Variants in MTUS2 observed in about 807,000 individuals in gnomAD.
MTUS2 encodes the protein microtubule associated scaffold protein 2.
MTUS2 carries 40 observed loss-of-function variants against 114.1 expected under a neutral mutation model. The observed-to-expected ratio is 0.35, with a 90% CI of 0.27 to 0.46. MTUS2 has a LOEUF of 0.46. Ranked by LOEUF, MTUS2 falls within the 20% of genes least tolerant of loss-of-function variation. The pLI, the probability that MTUS2 is intolerant of heterozygous loss-of-function variation, is 1.00. For synonymous variants in MTUS2, 688 were observed against 672.0 expected (o/e 1.02, Z -0.37); for missense variants, 1,679 against 1,705.4 (o/e 0.98, Z 0.27).
At chr13:29,365,529 TA>T (rs1870639668) in intron 8 of MTUS2, among the ~76,000 whole-genome samples, 2 of 151,764 alleles carry the variant, frequency 1.3e-5, no homozygotes, top group Non-Finnish European at 2.9e-5. Context: ...TGTGTGTGTG[TA>T]ATTAAATGTC....
intron 5 of MTUS2, among the ~76,000 whole-genome samples, chr13:29,216,399 G>A (rs1325446471): frequency 6.6e-6 from 1 of 152,160 alleles, no homozygotes; most frequent in Admixed American, 6.5e-5. Context: ...TGTCTTGCTG[G>A]GGTTCCAGGT....
intron 2 of MTUS2, among the ~76,000 whole-genome samples, chr13:29,018,759 C>T (rs1459189564): frequency 6.7e-6 from 1 of 150,250 alleles, no homozygotes; most frequent in Non-Finnish European, 1.5e-5. Flanking sequence ...GATTCGGTCT[C>T]CAGCCCCTCC....
intron 2 of MTUS2, among the ~76,000 whole-genome samples, chr13:28,923,644 C>G (rs1881170270): frequency 6.6e-6 from 1 of 152,168 alleles, no homozygotes; most frequent in Admixed American, 6.5e-5. Context: ...GTGAGGCTTT[C>G]TGTGTCCAGC....
chr13:28,833,500 T>C (rs1874851887), intron 1 of MTUS2, among the ~76,000 whole-genome samples: 1 of 151,856 alleles, frequency 6.6e-6, no homozygotes, highest in African/African-American at 2.4e-5. Flanking sequence ...AAAAAACCAC[T>C]TGACAAATTC....
intron 7 of MTUS2, among the ~76,000 whole-genome samples, chr13:29,340,824 C>T (rs1360751157): frequency 6.6e-6 from 1 of 152,176 alleles, no homozygotes; most frequent in African/African-American, 2.4e-5. Context: ...CCCAAGTCCC[C>T]AAAGTGCATT....
chr13:29,325,503 G>A lies in MTUS2; in HGVS notation c.2905+792G>A, dbSNP rs1399835718. 8.3e-3 allele frequency among the ~76,000 whole-genome samples: 1,130 copies of A among 135,528 alleles called. 17 individuals carry two copies. The highest frequency in any genetic ancestry group is 0.035 in the African/African-American group (1,086 of 31,238). The allele number at this position is 135,528 out of a possible 152,430, so 88.9% of individuals were successfully genotyped here. On this transcript the variant is annotated intron_variant, in intron 7 of 15. Transcript: ENST00000612955. ...AGAAGAGGAAGAGGGAGGAGGAGGAGGAGGAGAAGGAGGAGGAGGAGGGAG... is the reference window on the plus strand; with the variant it reads ...AGAAGAGGAAGAGGGAGGAGGAGGAAGAGGAGAAGGAGGAGGAGGAGGGAG...
chr13:28,955,214 G>A (rs1356685465), intron 2 of MTUS2, among the ~76,000 whole-genome samples: 1 of 152,168 alleles, frequency 6.6e-6, no homozygotes, highest in Non-Finnish European at 1.5e-5. Context: ...ATACCAGCCT[G>A]ACATTGCACG....
intron 8 of MTUS2, among the ~76,000 whole-genome samples, chr13:29,417,976 G>A (rs1340703342): frequency 1.3e-5 from 2 of 152,148 alleles, no homozygotes; most frequent in African/African-American, 2.4e-5. Flanking sequence ...AGTGGAGTTG[G>A]GGGGTAACTG....
intron 9 of MTUS2, among the ~76,000 whole-genome samples, chr13:29,468,729 A>G (rs1880065153): frequency 6.6e-6 from 1 of 152,178 alleles, no homozygotes; most frequent in South Asian, 2.1e-4. Flanking sequence ...TCAGGGGGAA[A>G]ATGCCTGCTT....
At chr13:28,930,241 T>C (rs941489949) in intron 2 of MTUS2, among the ~76,000 whole-genome samples, 14 of 152,264 alleles carry the variant, frequency 9.2e-5, no homozygotes, top group Non-Finnish European at 1.8e-4. Context: ...AATGATGTTA[T>C]GTTTTCGCCA....
chr13:29,390,983 A>G (rs1245232776), intron 8 of MTUS2, among the ~76,000 whole-genome samples: 2 of 152,070 alleles, frequency 1.3e-5, no homozygotes, highest in Non-Finnish European at 2.9e-5. Context: ...GGGTTTCACC[A>G]TATTGGTCGG....
intron 8 of MTUS2, among the ~76,000 whole-genome samples, chr13:29,425,667 T>A (rs1450691228): frequency 6.6e-6 from 1 of 152,190 alleles, no homozygotes; most frequent in Admixed American, 6.5e-5. Flanking sequence ...ATGTTTGAAA[T>A]TTTTATAACA....
intron 8 of MTUS2, among the ~76,000 whole-genome samples, chr13:29,367,052 G>A (rs1022228353): frequency 2.6e-5 from 4 of 152,056 alleles, no homozygotes; most frequent in Admixed American, 6.6e-5. Flanking sequence ...TGGTCCATCC[G>A]CTTGGTAAAT....
At position 29,492,729 on chromosome 13, in the gene MTUS2, T is replaced by A; in HGVS notation, c.3579+10T>A. ...GCGGCTGTCATTGCAGGTTAGTATT[T>A]CTTTAATTTTCTTACCTGGTATCGA... On this transcript the variant is annotated intron_variant, in intron 12 of 15. Coordinates refer to ENST00000612955, the MANE Select transcript of MTUS2 (RefSeq NM_001033602.4). 2 of 1,599,084 alleles carry A rather than the reference T, an allele frequency of 1.3e-6. No homozygotes were observed. Among genetic ancestry groups the A allele is most frequent in the East Asian group, 2.2e-5 (1 of 44,810 alleles).
intron 5 of MTUS2, among the ~76,000 whole-genome samples, chr13:29,106,775 G>A (rs2138847397): frequency 6.6e-6 from 1 of 152,184 alleles, no homozygotes. Context: ...AACTGTGGCA[G>A]TGCTTTCTAA....
At chr13:29,128,750 A>AT (rs1891626702) in intron 5 of MTUS2, among the ~76,000 whole-genome samples, 1 of 152,186 alleles carries the variant, frequency 6.6e-6, no homozygotes, top group Non-Finnish European at 1.5e-5. Context: ...TAATTCAAAC[A>AT]TAAAAAAAAT....
intron 8 of MTUS2, among the ~76,000 whole-genome samples, chr13:29,438,936 A>G: frequency 6.6e-6 from 1 of 152,158 alleles, no homozygotes; most frequent in Non-Finnish European, 1.5e-5. Flanking sequence ...CACCAGAAAC[A>G]ATATTGTGAG....
chr13:29,281,800 C>T lies in MTUS2; in HGVS notation c.2741C>T (p.Ser914Phe), dbSNP rs1211818119. 2 of 1,612,294 alleles carry T rather than the reference C, an allele frequency of 1.2e-6. No homozygotes were observed. The highest frequency in any genetic ancestry group is 1.7e-6 in the Non-Finnish European group (2 of 1,178,542). The stretch of plus-strand genomic sequence containing the variant: ...GCCGGCCGGGTGGCCCCTCCAGCAT[C>T]CTCCAGTGTGACAGCACCCCGCAGG... ...KGAGRVAPPA[S>F]SSVTAPRRSL... The change falls in exon 6 of 16, where the codon TCC becomes TTC. Residue 914 changes from serine (S) to phenylalanine (F), a missense_variant. Ser to Phe is a radical substitution (Grantham distance 155, BLOSUM62 -2). Around this residue, in one of 3 missense-constraint regions of MTUS2, gnomAD observed 822 missense variants for 899.7 expected, o/e 0.91. Transcript: ENST00000612955.
chr13:29,142,430 G>A lies in MTUS2; in HGVS notation c.2644+41460G>A, dbSNP rs150774418. 4.5e-4 allele frequency among the ~76,000 whole-genome samples: 68 copies of A among 152,272 alleles called. No homozygotes were observed. In the East Asian group the frequency reaches 8.9e-3, roughly 20 times the overall value. On this transcript the variant is annotated intron_variant, in intron 5 of 15. Transcript: ENST00000612955. ...ATTAAAGAAGTTCATGAGACTGGGCGTGGTGGCTCACGCCTATAATCCCAG... is the reference window on the plus strand; with the variant it reads ...ATTAAAGAAGTTCATGAGACTGGGCATGGTGGCTCACGCCTATAATCCCAG...
Sources: allele counts gnomAD v4.1 joint callset (sites outside exome capture counted in the v4.1 genomes callset), GRCh38; gene constraint gnomAD v4.1.1; regional missense constraint gnomAD v4.1.1; transcripts MANE v1.5; gene names NCBI Gene and HGNC (gene_info 2026-07-23, HGNC 2026-07-21).